USH2A: variants seen among roughly 807,000 people sequenced by gnomAD.
USH2A encodes the protein Usher syndrome 2A (autosomal recessive, mild).
USH2A carries 443 observed loss-of-function variants against 538.9 expected under a neutral mutation model. That is an observed-to-expected ratio of 0.82 (90% confidence interval 0.76 to 0.89). The LOEUF (loss-of-function observed/expected upper bound fraction) is 0.89, where lower values mean the gene tolerates loss of function less well. USH2A is among the 40% of genes least tolerant of loss of function. USH2A has a pLI of 0.00. For synonymous variants in USH2A, 2,413 were observed against 2,273.5 expected (o/e 1.06, Z -1.75); for missense variants, 6,633 against 6,324.8 (o/e 1.05, Z -1.65).
intron 23 of USH2A, 163 bp from the exon 24 acceptor site, chr1:216,086,983 A>C: frequency 1.6e-6 from 1 of 620,372 alleles, no homozygotes; most frequent in East Asian, 3.2e-5. Context: ...CTTCCTCAAC[A>C]TCCCAGCATC....
chr1:216,023,401 T>C (rs571816985), intron 32 of USH2A, among the ~76,000 whole-genome samples: 1 of 134,166 alleles, frequency 7.5e-6, no homozygotes, highest in Non-Finnish European at 1.5e-5. Context: ...TCTCCCTTTT[T>C]TTATGTAACC....
intron 14 of USH2A, among the ~76,000 whole-genome samples, chr1:216,226,308 A>G (rs1392516164): frequency 2.0e-5 from 3 of 152,232 alleles, no homozygotes; most frequent in African/African-American, 7.2e-5. Flanking sequence ...TACATTGCAA[A>G]ATACAAATTC....
intron 3 of USH2A, among the ~76,000 whole-genome samples, chr1:216,403,755 A>G (rs2039346109): frequency 6.6e-6 from 1 of 152,154 alleles, no homozygotes; most frequent in East Asian, 1.9e-4. Flanking sequence ...CTGTGTCTCC[A>G]CCCAAATATC....
Position 215,883,118 on chromosome 1 carries a change from T to C in USH2A, c.8224-4020A>G, listed in dbSNP as rs576124242. Among the ~76,000 whole-genome samples, 3 of 152,294 alleles carry C rather than the reference T, an allele frequency of 2.0e-5. No individual in the cohort carries two copies. The East Asian group carries it at 5.8e-4, about 29-fold the overall frequency. On this transcript the variant is annotated intron_variant, in intron 41 of 71. Coordinates refer to ENST00000307340, the MANE Select transcript of USH2A (RefSeq NM_206933.4). The stretch of plus-strand genomic sequence containing the variant: ...ACTTGTTTCTTTAATTAATTTTCAC[T>C]CCCTTGACTTTATGTGAGGTATGAA...
At chr1:215,951,864 T>A (rs1226601352) in intron 37 of USH2A, among the ~76,000 whole-genome samples, 1,609 of 151,260 alleles carry the variant, frequency 0.011, 25 homozygotes, top group East Asian at 0.055. Flanking sequence ...TTTTTTATTT[T>A]TTTTATTTTT....
At chr1:216,057,190 CA>C (rs2031005918) in intron 30 of USH2A, among the ~76,000 whole-genome samples, 6 of 152,068 alleles carry the variant, frequency 3.9e-5, no homozygotes, top group Admixed American at 3.9e-4. Context: ...ACCAGTAGTT[CA>C]GGCACATTAT....
intron 14 of USH2A, among the ~76,000 whole-genome samples, chr1:216,220,588 G>A (rs2035437813): frequency 1.3e-5 from 2 of 150,288 alleles, no homozygotes; most frequent in Non-Finnish European, 3.0e-5. Context: ...GTCGGGGAGG[G>A]GCAAAAATAG....
In USH2A at chr1:216,010,552, G is replaced by A. The variant is rs570300187; in HGVS notation, c.6326-9990C>T. 1.9e-3 allele frequency among the ~76,000 whole-genome samples: 283 copies of A among 151,860 alleles called. 3 individuals are homozygous for A. Among genetic ancestry groups the A allele is most frequent in the Admixed American group, 0.017 (261 of 15,242 alleles). On this transcript the variant is annotated intron_variant, in intron 32 of 71. Coordinates refer to ENST00000307340, the MANE Select transcript of USH2A (RefSeq NM_206933.4). ...AGGTAACTCTCACAGTGGAGGGTAA[G>A]TCCATCCCCTTCTTAATCAATACGG...
At position 215,993,101 on chromosome 1, in the gene USH2A, C is replaced by T. The variant is rs375278546; in HGVS notation, c.6724G>A (p.Glu2242Lys). The change falls in exon 35 of 72, where the codon GAA becomes AAA. Residue 2242 changes from glutamate to lysine, a missense_variant. Physicochemically the swap from Glu to Lys is moderately conservative, Grantham distance 56 (BLOSUM62 1). Transcript: ENST00000307340. ...SEALTDEDIP[E>K]GVPAPKAHSY... ...TGGGCTTTGGGGGCTGGCACGCCTT[C>T]GGGTATGTCCTCGTCAGTTAGGGCC... 3.5e-5 allele frequency: 56 copies of T among 1,613,912 alleles called. No individual in the cohort carries two copies. The highest frequency in any genetic ancestry group is 4.2e-5 in the Non-Finnish European group (49 of 1,180,006).
intron 64 of USH2A, among the ~76,000 whole-genome samples, chr1:215,658,834 A>G (rs779290881): frequency 5.5e-4 from 83 of 152,262 alleles, no homozygotes; most frequent in African/African-American, 1.9e-3. Context: ...GTTCTCTGCA[A>G]TAATAACTAT....
At chr1:216,114,706 A>G (rs2032961148) in intron 21 of USH2A, among the ~76,000 whole-genome samples, 1 of 152,210 alleles carries the variant, frequency 6.6e-6, no homozygotes, top group Non-Finnish European at 1.5e-5. Context: ...TAAACCCTGA[A>G]GAAATGAAAT....
In USH2A at chr1:215,741,460, T is replaced by G; in HGVS notation, c.11626A>C (p.Lys3876Gln). ...TCTATGCAAGCTGACCCCAGTGCCT[T>G]AAGAACAGGAGAATTAAGATCCATT... is the stretch of plus-strand genomic sequence containing the variant. The part of the protein sequence containing the change: ...APMDLNSPVL[K>Q]ALGSACIEIK... Residue 3876 changes from lysine (K) to glutamine (Q), a missense_variant, in exon 60 of 72, where the codon AAG becomes CAG. Physicochemically the swap from Lys to Gln is moderately conservative, Grantham distance 53. Coordinates refer to ENST00000307340, the MANE Select transcript of USH2A (RefSeq NM_206933.4). 1 of 1,613,986 alleles carries G rather than the reference T, an allele frequency of 6.2e-7. No homozygotes were observed. Among genetic ancestry groups the G allele is most frequent in the Non-Finnish European group, 8.5e-7 (1 of 1,180,006 alleles).
rs771834002 is a variant in USH2A at position 215,965,389 on chromosome 1, C to T, written c.7048G>A (p.Glu2350Lys). The T allele has an allele frequency of 1.9e-6, 3 of 1,613,896 alleles. No homozygotes were observed. Among genetic ancestry groups the T allele is most frequent in the South Asian group, 1.1e-5 (1 of 91,074 alleles). The change falls in exon 37 of 72, where the codon GAA becomes AAA. Residue 2350 changes from glutamate (E) to lysine (K), a missense_variant. Glu to Lys is a moderately conservative substitution (Grantham distance 56). Transcript: ENST00000307340. Reference sequence around the variant, plus strand: ...AGTCCATTAGGGCGAAAAGGTGCTTCCCACCTCACGTGGGCTTTCCGGGAT... The same window carrying T: ...AGTCCATTAGGGCGAAAAGGTGCTTTCCACCTCACGTGGGCTTTCCGGGAT... ...QGSRKAHVRW[E>K]APFRPNGLLT... is the part of the protein sequence containing the mutation.
intron 27 of USH2A, among the ~76,000 whole-genome samples, chr1:216,076,022 C>T (rs1026377101): frequency 5.9e-5 from 9 of 152,086 alleles, no homozygotes; most frequent in Non-Finnish European, 1.3e-4. Flanking sequence ...CAATTGACTA[C>T]ATACATGCTG....
In USH2A at chr1:216,418,616, CTCTT is replaced by C. The variant is rs1363205900; in HGVS notation, c.545_548del (p.Lys182ArgfsTer9). The C allele has an allele frequency of 1.2e-6, 2 of 1,613,202 alleles. No homozygotes were observed. Among genetic ancestry groups the C allele is most frequent in the Non-Finnish European group, 1.7e-6 (2 of 1,179,586 alleles). On this transcript the variant is annotated frameshift_variant, in exon 3 of 72. Transcript: ENST00000307340. LOFTEE classifies it high-confidence loss of function. ...TTACTGTGCGATAATAAAACATGGT[CTCTT>C]TCTCAGATATTGTAAGTTTGAACAC...
intron 60 of USH2A, among the ~76,000 whole-genome samples, 180 bp downstream of exon 60, chr1:215,741,195 C>T (rs1187207168): frequency 6.6e-6 from 1 of 152,046 alleles, no homozygotes; most frequent in Non-Finnish European, 1.5e-5. Context: ...GAGCACCAGT[C>T]TTAGTCCTCA....
chr1:216,277,311 T>C (rs568351149), intron 11 of USH2A, among the ~76,000 whole-genome samples: 9 of 152,130 alleles, frequency 5.9e-5, no homozygotes, highest in Non-Finnish European at 1.0e-4. Flanking sequence ...CATGTGCTCA[T>C]GAACAAATCT....
chr1:216,299,615 C>A (rs1019878645), intron 9 of USH2A, among the ~76,000 whole-genome samples: 1 of 151,998 alleles, frequency 6.6e-6, no homozygotes, highest in African/African-American at 2.4e-5. Context: ...TAAAATGTAA[C>A]TGCATGGATA....
chr1:215,858,480 C>T (rs891759147), intron 44 of USH2A, among the ~76,000 whole-genome samples: 1 of 149,696 alleles, frequency 6.7e-6, no homozygotes, highest in Non-Finnish European at 1.5e-5. Context: ...CCTATGTGTG[C>T]ATTCTCTCTC....
Sources: gnomAD v4.1 joint callset for allele counts (sites outside exome capture counted in the v4.1 genomes callset) on GRCh38, gnomAD v4.1.1 for gene constraint, MANE v1.5 for transcripts, NCBI Gene and HGNC (gene_info 2026-07-23, HGNC 2026-07-21) for gene names.